ANKFY1: variants seen among roughly 807,000 people sequenced by gnomAD.
The protein encoded by ANKFY1 is ankyrin repeat and FYVE domain containing 1.
ANKFY1 carries 47 observed loss-of-function variants against 128.3 expected under a neutral mutation model. The observed-to-expected ratio is 0.37, with a 90% CI of 0.29 to 0.47. ANKFY1 has a LOEUF of 0.47. Ranked by LOEUF, ANKFY1 falls within the 20% of genes least tolerant of loss-of-function variation. The pLI is 1.00. For synonymous variants in ANKFY1, 553 were observed against 601.6 expected (o/e 0.92, Z 1.18); for missense variants, 1,222 against 1,510.6 (o/e 0.81, Z 3.17).
At chr17:4,215,707 G>A (rs1041265603) in intron 4 of ANKFY1, among the ~76,000 whole-genome samples, 2 of 152,112 alleles carry the variant, frequency 1.3e-5, no homozygotes, top group Non-Finnish European at 2.9e-5. Context: ...ACAACAAACA[G>A]TTTAATTAAA....
intron 2 of ANKFY1, among the ~76,000 whole-genome samples, chr17:4,236,258 A>G (rs1966898452): frequency 6.6e-6 from 1 of 152,224 alleles, no homozygotes; most frequent in South Asian, 2.1e-4. Flanking sequence ...CAGGGAGAGA[A>G]AGACAGAAAG....
At position 4,181,082 on chromosome 17, in the gene ANKFY1, C is replaced by T. The variant is rs1053131390; in HGVS notation, c.2240+172G>A. On this transcript the variant is annotated intron_variant, in intron 16 of 24. Transcript: ENST00000341657. This position sits in a 1 kb window ranked among gnomAD's most constrained non-coding sequence, Gnocchi z 4.9. ...GTGAGCTCCTCCCGTCACAAGTGAG[C>T]CTGGCTCCTGGCTGACTTGACATGA... is the stretch of plus-strand genomic sequence containing the variant. 2 of 578,850 alleles carry T rather than the reference C, an allele frequency of 3.5e-6. No individual in the cohort carries two copies. The highest frequency in any genetic ancestry group is 6.2e-6 in the Non-Finnish European group (2 of 322,206). 35.9% of individuals were successfully genotyped at this position (578,850 alleles called of 1,614,324 possible).
At chr17:4,232,476 A>T (rs2060529821) in intron 3 of ANKFY1, among the ~76,000 whole-genome samples, 1 of 152,244 alleles carries the variant, frequency 6.6e-6, no homozygotes, top group Non-Finnish European at 1.5e-5. Flanking sequence ...TGTCATAAAA[A>T]GTAAAAATGC....
At chr17:4,263,359 C>T (rs1027747186) in intron 1 of ANKFY1, among the ~76,000 whole-genome samples, 3 of 152,208 alleles carry the variant, frequency 2.0e-5, no homozygotes, top group Non-Finnish European at 4.4e-5. Context: ...CAAACCCCTT[C>T]CTCCCGTCTT....
chr17:4,262,372 G>C (rs915890919), intron 1 of ANKFY1, among the ~76,000 whole-genome samples: 1 of 152,082 alleles, frequency 6.6e-6, no homozygotes, highest in Non-Finnish European at 1.5e-5. Flanking sequence ...AGCGATTCTT[G>C]TGCCTCATCC....
rs1372885052 is a variant in ANKFY1 at position 4,178,231 on chromosome 17, G to A, written c.2598+626C>T. 1 of 154,130 alleles carries A rather than the reference G, an allele frequency of 6.5e-6. No individual in the cohort carries two copies. The allele number at this position is 154,130 out of a possible 1,614,324, so 9.5% of individuals were successfully genotyped here. A position where few individuals can be genotyped will look rare whatever the true frequency, so the allele number is the denominator to read the frequency against. On this transcript the variant is annotated intron_variant, in intron 18 of 24. Transcript: ENST00000341657. This position sits in a 1 kb window ranked among gnomAD's most constrained non-coding sequence, Gnocchi z 4.1. ...CACCCATGCGAGGATCTCACTTCAC[G>A]CGGGTCCCAAGTTCCATCTCACCTT...
chr17:4,200,927 C>T (rs887093059), intron 7 of ANKFY1, among the ~76,000 whole-genome samples: 2 of 152,148 alleles, frequency 1.3e-5, no homozygotes, highest in Admixed American at 6.5e-5. Context: ...AGTGGTAAAG[C>T]TCTCTCAGGT....
chr17:4,174,036 C>T lies in ANKFY1; in HGVS notation c.2796G>A (p.Val932=), dbSNP rs928689295. The T allele has an allele frequency of 3.7e-6, 6 of 1,614,002 alleles. No homozygotes were observed. Among genetic ancestry groups the T allele is most frequent in the Admixed American group, 1.7e-5 (1 of 60,000 alleles). The stretch of plus-strand genomic sequence containing the variant: ...TCTGGCGATGCTTGGTTAATTCGTT[C>T]ACTTTGGCTCCCGCAAGAAGCTGTT... The part of the protein sequence containing the change: ...VRNLLLAGAK[V]NELTKHRQTA... Residue 932 remains valine, a synonymous_variant, in exon 20 of 25, where the codon GTG becomes GTA. Coordinates refer to ENST00000341657, the MANE Select transcript of ANKFY1 (RefSeq NM_001330063.2).
At chr17:4,179,998 G>T in intron 16 of ANKFY1, 121 bp from the exon 17 acceptor site, 4 of 1,248,588 alleles carry the variant, frequency 3.2e-6, no homozygotes, top group African/African-American at 3.0e-5. Flanking sequence ...GGCCGGGTCT[G>T]CTGTCCTTGG....
chr17:4,189,671 A>ACGC (rs1251713203), intron 10 of ANKFY1, among the ~76,000 whole-genome samples, 192 bp from the exon 11 acceptor site: 46 of 151,552 alleles, frequency 3.0e-4, no homozygotes, highest in African/African-American at 7.0e-4. Flanking sequence ...GAGTAGGCCC[A>ACGC]CACCAGACAG....
In ANKFY1 at chr17:4,181,949, G is replaced by A. The variant is rs1010438140; in HGVS notation, c.2121+232C>T. Among the ~76,000 whole-genome samples, 14 of 152,176 alleles carry A rather than the reference G, an allele frequency of 9.2e-5. No homozygotes were observed. Among genetic ancestry groups the A allele is most frequent in the Non-Finnish European group, 1.6e-4 (11 of 68,032 alleles). On this transcript the variant is annotated intron_variant, in intron 15 of 24. Coordinates refer to ENST00000341657, the MANE Select transcript of ANKFY1 (RefSeq NM_001330063.2). The surrounding 1 kb of genome is among the most constrained non-coding windows in gnomAD (Gnocchi z 4.9). Reference sequence around the variant, plus strand: ...AGGAGAAGGCTCCTGAGGAAACGCCGCCATTCTCTTGCTTCTTGGTAGTTT... The same window carrying A: ...AGGAGAAGGCTCCTGAGGAAACGCCACCATTCTCTTGCTTCTTGGTAGTTT...
At chr17:4,208,242 T>C in intron 5 of ANKFY1, 160 bp from the exon 6 acceptor site, 1 of 564,070 alleles carries the variant, frequency 1.8e-6, no homozygotes, top group Non-Finnish European at 2.9e-6. Flanking sequence ...AGTAAGTACT[T>C]GAACATCCCC....
intron 1 of ANKFY1, among the ~76,000 whole-genome samples, chr17:4,247,142 AG>A (rs1337489688): frequency 6.6e-6 from 1 of 151,762 alleles, no homozygotes; most frequent in African/African-American, 2.4e-5. Context: ...AAAAAGAAAA[AG>A]AAAAAAAAAT....
chr17:4,169,100 A>C lies in ANKFY1; in HGVS notation c.3377+98T>G. 1 of 1,139,922 alleles carries C rather than the reference A, an allele frequency of 8.8e-7. No homozygotes were observed. Among genetic ancestry groups the C allele is most frequent in the South Asian group, 1.4e-5 (1 of 71,598 alleles). The allele number at this position is 1,139,922 out of a possible 1,614,324, so 70.6% of individuals were successfully genotyped here. A position where few individuals can be genotyped will look rare whatever the true frequency, so the allele number is the denominator to read the frequency against. On this transcript the variant is annotated intron_variant, in intron 24 of 24. Transcript: ENST00000341657. This position sits in a 1 kb window ranked among gnomAD's most constrained non-coding sequence, Gnocchi z 5.0. Reference sequence around the variant, plus strand: ...GGTCAAGGTTTGCCCATCAATGTGCAGGACCCAGGCAAGTTCACGGCCTGT... The same window carrying C: ...GGTCAAGGTTTGCCCATCAATGTGCCGGACCCAGGCAAGTTCACGGCCTGT...
chr17:4,183,439 G>A lies in ANKFY1; in HGVS notation c.1911C>T (p.Ser637=), dbSNP rs371087594. 25 of 1,613,668 alleles carry A rather than the reference G, an allele frequency of 1.5e-5. No homozygotes were observed. The highest frequency in any genetic ancestry group is 8.0e-5 in the African/African-American group (6 of 74,892). ...HMAIQRQDSK[S]ALFLLEHQAD... ...CCTGGTGCTCCAGCAGGAAGAGTGC[G>A]CTCTTGCTGTCCTGCCGCTGTATGG... Residue 637 remains serine (S), a synonymous_variant, in exon 14 of 25, where the codon AGC becomes AGT. Transcript: ENST00000341657.
chr17:4,242,444 C>T lies in ANKFY1; in HGVS notation c.15G>A (p.Glu5=), dbSNP rs748832363. ...TCAAGTGCTTCTCCAACTTGGCCAC[C>T]TCCTCTGCAAGGAAAACGAAGAATC... The part of the protein sequence containing the change: MAEE[E]VAKLEKHLML... The change falls in exon 2 of 25, where the codon GAG becomes GAA. Residue 5 remains glutamate (E), a synonymous_variant. Transcript: ENST00000341657. 1.3e-6 allele frequency: 2 copies of T among 1,557,092 alleles called. No homozygotes were observed. The highest frequency in any genetic ancestry group is 2.8e-5 in the African/African-American group (2 of 71,748).
rs747592080 is a variant in ANKFY1 at position 4,208,095 on chromosome 17, A to C, written c.583-13T>G. 1 of 1,593,156 alleles carries C rather than the reference A, an allele frequency of 6.3e-7. No individual in the cohort carries two copies. Among genetic ancestry groups the C allele is most frequent in the Non-Finnish European group, 8.5e-7 (1 of 1,171,692 alleles). ...TCCTCAGGTCGTCCTGAGAATTCAC[A>C]ACACAGTGAAAAGCAGAACAGACAC... On this transcript the variant is annotated splice_polypyrimidine_tract_variant and intron_variant, in intron 5 of 24. Coordinates refer to ENST00000341657, the MANE Select transcript of ANKFY1 (RefSeq NM_001330063.2).
chr17:4,242,350 A>C lies in ANKFY1; in HGVS notation c.109T>G (p.Leu37Val), dbSNP rs1967284898. 1 of 1,603,218 alleles carries C rather than the reference A, an allele frequency of 6.2e-7. No homozygotes were observed. The highest frequency in any genetic ancestry group is 1.3e-5 in the African/African-American group (1 of 74,318). Residue 37 changes from leucine (L) to valine (V), a missense_variant, in exon 2 of 25, where the codon TTG becomes GTG. Leu to Val is a conservative substitution (Grantham distance 32). Transcript: ENST00000341657. ...CTCTCCTTGTTTGCCTGCGCAGCCA[A>C]GAGAGCGCAGCGCTTCTCTGTCTCC... is the stretch of plus-strand genomic sequence containing the variant. ...LAETEKRCALLAAQANKESSS... is the reference protein window; with the variant it reads ...LAETEKRCALVAAQANKESSS...
intron 1 of ANKFY1, among the ~76,000 whole-genome samples, chr17:4,249,673 C>A (rs1967731011): frequency 6.6e-6 from 1 of 152,210 alleles, no homozygotes; most frequent in African/African-American, 2.4e-5. Context: ...TAATCCACAA[C>A]AGCAGCCACT....
Sources: gnomAD v4.1 joint callset for allele counts (sites outside exome capture counted in the v4.1 genomes callset) on GRCh38, gnomAD v4.1.1 for gene constraint, Gnocchi (gnomAD v3.1) non-coding constraint, MANE v1.5 for transcripts, NCBI Gene and HGNC (gene_info 2026-07-23, HGNC 2026-07-21) for gene names.